FN1: variants seen among roughly 807,000 people sequenced by gnomAD.
FN1 encodes fibronectin 1.
Under a neutral mutation model 297.3 loss-of-function variants are expected in FN1, and 106 were observed. The ratio of observed to expected loss-of-function variants is 0.36; its 90% CI spans 0.30 to 0.42. The LOEUF is 0.42. Ranked by LOEUF, FN1 falls within the 10% of genes least tolerant of loss-of-function variation. FN1 has a pLI of 1.00. For missense variants in FN1, 2,690 were observed against 3,124.9 expected (o/e 0.86, Z 3.32); for synonymous variants, 1,149 against 1,152.6 (o/e 1.00, Z 0.06).
At chr2:215,375,843 C>T in intron 36 of FN1, 125 bp from the exon 37 acceptor site, 1 of 710,668 alleles carries the variant, frequency 1.4e-6, no homozygotes, top group Non-Finnish European at 2.6e-6. Context: ...CAAAGTGGTC[C>T]ACATTTGAAC....
At chr2:215,397,510 A>C (rs1222604188) in intron 22 of FN1, among the ~76,000 whole-genome samples, 170 bp downstream of exon 22, 6 of 152,232 alleles carry the variant, frequency 3.9e-5, no homozygotes, top group African/African-American at 4.8e-5. Flanking sequence ...AATATAAAGC[A>C]TGAATTGAAC....
chr2:215,414,277 G>A (rs1331233005), intron 13 of FN1, among the ~76,000 whole-genome samples: 3 of 152,086 alleles, frequency 2.0e-5, no homozygotes, highest in African/African-American at 2.4e-5. Context: ...GGAAATCACA[G>A]GGCTATTGTT....
chr2:215,381,111 G>A (rs745746303), intron 32 of FN1, 31 bp from the exon 33 acceptor site: 1 of 1,611,496 alleles, frequency 6.2e-7, no homozygotes, highest in South Asian at 1.1e-5. Flanking sequence ...AAGAGGTTAT[G>A]TGAAAAGCAA....
rs141313363 is a variant in FN1 at position 215,395,630 on chromosome 2, G to C, written c.3605-911C>G. Among the ~76,000 whole-genome samples, 719 of 152,192 alleles carry C rather than the reference G, an allele frequency of 4.7e-3. 6 individuals carry two copies. Among genetic ancestry groups the C allele is most frequent in the Middle Eastern group, 0.027 (8 of 294 alleles). ...AAATTGGGCAGTAAAAGAGTTGAGA[G>C]GGATGAGAGACATTCAAATAAAAAC... On this transcript the variant is annotated intron_variant, in intron 23 of 45. Coordinates refer to ENST00000354785, the MANE Select transcript of FN1 (RefSeq NM_212482.4).
rs2053401514 is a variant in FN1 at position 215,361,317 on chromosome 2, A to ATT, written c.*236_*237dup. 1.9e-6 allele frequency: 1 copy of ATT among 533,772 alleles called. No homozygotes were observed. The highest frequency in any genetic ancestry group is 1.9e-5 in the African/African-American group (1 of 52,408). 33.1% of individuals were successfully genotyped at this position (533,772 alleles called of 1,614,324 possible). ...CACTTCATTTAAAATACTGAGCGGT[A>ATT]TTGAATACTTCGAAGCAGAACAGGC... On this transcript the variant is annotated 3_prime_UTR_variant, in exon 46 of 46. Transcript: ENST00000354785.
At position 215,408,121 on chromosome 2, in the gene FN1, C is replaced by T; in HGVS notation, c.2505G>A (p.Gln835=). The T allele has an allele frequency of 6.2e-7, 1 of 1,613,942 alleles. No individual in the cohort carries two copies. The highest frequency in any genetic ancestry group is 1.3e-5 in the African/African-American group (1 of 74,972). ...TSIVVRWSRP[Q]APITGYRIVY... is the part of the protein sequence containing the mutation. ...CGCTTAGCTGACCTGTGATGGGAGC[C>T]TGGGGTCTGCTCCAGCGAACAACAA... Residue 835 remains glutamine (Q), a synonymous_variant, in exon 17 of 46, where the codon CAG becomes CAA. Transcript: ENST00000354785.
At chr2:215,388,323 A>C in intron 26 of FN1, 22 bp from the exon 27 acceptor site, 1 of 1,539,078 alleles carries the variant, frequency 6.5e-7, no homozygotes, top group East Asian at 2.2e-5. Context: ...AATGGGGCTT[A>C]TTTTAAAACT....
chr2:215,428,320 T>C lies in FN1; in HGVS notation c.704A>G (p.Asp235Gly). ...TCCAATTCTATAGGATGTCCTTGTG[T>C]CCTGATCGTTGCATCTATCTGTGTC... ...CTSRNRCNDQ[D>G]TRTSYRIGDT... Residue 235 changes from aspartate to glycine, a missense_variant, in exon 6 of 46, where the codon GAC (aspartate) becomes GGC (glycine). By Grantham distance (94) the Asp-to-Gly change is moderately conservative (BLOSUM62 -1). Coordinates refer to ENST00000354785, the MANE Select transcript of FN1 (RefSeq NM_212482.4). 1 of 1,614,146 alleles carries C rather than the reference T, an allele frequency of 6.2e-7. No individual in the cohort carries two copies. Among genetic ancestry groups the C allele is most frequent in the Non-Finnish European group, 8.5e-7 (1 of 1,180,004 alleles).
chr2:215,393,196 G>A lies in FN1; in HGVS notation c.3804C>T (p.Pro1268=), dbSNP rs748680863. 14 of 1,613,576 alleles carry A rather than the reference G, an allele frequency of 8.7e-6. No individual in the cohort carries two copies. Among genetic ancestry groups the A allele is most frequent in the Admixed American group, 3.3e-5 (2 of 59,968 alleles). The change falls in exon 25 of 46, where the codon CCC becomes CCT. Residue 1268 remains proline, a synonymous_variant. Transcript: ENST00000354785. ...CAACAAAGCTTAGGTCAGTGAGTTG[G>A]GGCACCTCTATTGAGTTACAAAGCA... The part of the protein sequence containing the change: ...PISDTIIPEV[P]QLTDLSFVDI...
chr2:215,368,643 T>G (rs967878459), intron 41 of FN1, among the ~76,000 whole-genome samples: 3 of 152,232 alleles, frequency 2.0e-5, no homozygotes, highest in Non-Finnish European at 4.4e-5. Context: ...TTTTCACTTT[T>G]ATTATTGTAA....
At chr2:215,409,413 C>T (rs1339725179) in intron 15 of FN1, 150 bp downstream of exon 15, 3 of 774,108 alleles carry the variant, frequency 3.9e-6, no homozygotes, top group African/African-American at 1.7e-5. Context: ...TCAGTCCTTC[C>T]CTTCCTCATG....
intron 19 of FN1, 120 bp downstream of exon 19, chr2:215,406,118 C>A (rs2061743594): frequency 1.9e-6 from 2 of 1,026,014 alleles, no homozygotes; most frequent in Non-Finnish European, 3.0e-6. Context: ...CCCTTGCCGG[C>A]TGGGTATTTC....
chr2:215,417,726 G>A (rs542618021), intron 12 of FN1, among the ~76,000 whole-genome samples: 2 of 152,260 alleles, frequency 1.3e-5, no homozygotes, highest in Non-Finnish European at 2.9e-5. Flanking sequence ...TGCTCAGTGG[G>A]ATCTTGCTGT....
rs908149134 is a variant in FN1, at chr2:215,372,293, C to G, written c.6330G>C (p.Lys2110Asn). 1.5e-5 allele frequency: 24 copies of G among 1,614,026 alleles called. No individual in the cohort carries two copies. Among genetic ancestry groups the G allele is most frequent in the Admixed American group, 6.7e-5 (4 of 59,998 alleles). ...EILDVPSTVQKTPFVTHPGYD... is the reference protein window; with the variant it reads ...EILDVPSTVQNTPFVTHPGYD... ...ACCCAGGGTGGGTGACGAAAGGGGT[C>G]TTTTGAACTGTGGAAGGAACATCCA... Residue 2110 changes from lysine to asparagine, a missense_variant, in exon 40 of 46, where the codon AAG (lysine) becomes AAC (asparagine). Coordinates refer to ENST00000354785, the MANE Select transcript of FN1 (RefSeq NM_212482.4).
In FN1 at chr2:215,371,996, C is replaced by T; in HGVS notation, c.6627G>A (p.Gln2209=). Residue 2209 remains glutamine (Q), a synonymous_variant, in exon 40 of 46, where the codon CAG becomes CAA. Coordinates refer to ENST00000354785, the MANE Select transcript of FN1 (RefSeq NM_212482.4). ...NASTGQEALS[Q]TTISWAPFQD... ...GGAATGGGGCCCATGAGATGGTTGT[C>T]TGAGAGAGAGCTTCTTGTCCTGTAG... is the stretch of plus-strand genomic sequence containing the variant. 6.2e-7 allele frequency: 1 copy of T among 1,614,188 alleles called. No individual in the cohort carries two copies. Among genetic ancestry groups the T allele is most frequent in the Non-Finnish European group, 8.5e-7 (1 of 1,180,026 alleles).
At chr2:215,414,565 CA>C (rs949158923) in intron 13 of FN1, 1 of 594,440 alleles carries the variant, frequency 1.7e-6, no homozygotes, top group Non-Finnish European at 2.5e-6. Context: ...TAAGTCCTTG[CA>C]AAAAAGATTT....
At chr2:215,393,699 G>A (rs796872164) in intron 24 of FN1, 6 of 152,248 alleles carry the variant, frequency 3.9e-5, no homozygotes, top group African/African-American at 1.4e-4. Flanking sequence ...ACAACATCAT[G>A]GCCATAACGC....
chr2:215,375,336 AC>A lies in FN1; in HGVS notation c.6034del (p.Val2012TyrfsTer56). ...FLATTPNSLL[V>X]SWQPPRARIT... ...CCTGGCACGTGGCGGCTGCCATGAT[AC>A]CAGCAAGGAATTGGGTGTGGTGGCC... On this transcript the variant is annotated frameshift_variant, in exon 38 of 46. Coordinates refer to ENST00000354785, the MANE Select transcript of FN1 (RefSeq NM_212482.4). LOFTEE classifies it high-confidence loss of function. The A allele has an allele frequency of 6.2e-7, 1 of 1,614,186 alleles. No homozygotes were observed. Among genetic ancestry groups the A allele is most frequent in the Non-Finnish European group, 8.5e-7 (1 of 1,180,016 alleles).
intron 23 of FN1, 103 bp from the exon 24 acceptor site, chr2:215,394,822 T>G: frequency 1.2e-6 from 1 of 852,172 alleles, no homozygotes; most frequent in East Asian, 2.5e-5. Flanking sequence ...ATGCAGGACT[T>G]GGCATTTACT....
Sources: gnomAD v4.1 joint callset for allele counts (sites outside exome capture counted in the v4.1 genomes callset) on GRCh38, gnomAD v4.1.1 for gene constraint, MANE v1.5 for transcripts, NCBI Gene and HGNC (gene_info 2026-07-23, HGNC 2026-07-21) for gene names.